PRELID3A: variants seen among roughly 807,000 people sequenced by gnomAD.
PRELID3A encodes the protein PRELI domain containing protein 3A.
PRELID3A carries 27 observed loss-of-function variants against 23.0 expected under a neutral mutation model. The observed-to-expected ratio is 1.17, with a 90% CI of 0.87 to 1.62. PRELID3A has a LOEUF of 1.62. Among genes scored for constraint, PRELID3A ranks in the 40% most tolerant of loss-of-function variants. The pLI is 0.00. For missense variants in PRELID3A, 231 were observed against 231.4 expected (o/e 1.00, Z 0.01); for synonymous variants, 87 against 86.4 (o/e 1.01, Z -0.04).
At chr18:12,422,071 C>T (rs906866479) in intron 3 of PRELID3A, among the ~76,000 whole-genome samples, 2 of 151,926 alleles carry the variant, frequency 1.3e-5, no homozygotes, top group East Asian at 3.9e-4. Flanking sequence ...TCCCAAATAG[C>T]TGGGACCACA....
Position 12,421,838 on chromosome 18 carries a change from C to T in PRELID3A, c.291+209C>T, listed in dbSNP as rs957651870. ...CATAATGATGAATTGTCACAAAGAA[C>T]GCACCTCTTAACTAGCAGGCAGTTC... On this transcript the variant is annotated intron_variant, in intron 3 of 6. Coordinates refer to ENST00000440960, the MANE Select transcript of PRELID3A (RefSeq NM_001142405.2). 3.9e-5 allele frequency among the ~76,000 whole-genome samples: 6 copies of T among 152,146 alleles called. No individual in the cohort carries two copies. The South Asian group carries it at 1.2e-3, about 32-fold the overall frequency.
At chr18:12,424,466 T>A (rs1278386989) in intron 3 of PRELID3A, among the ~76,000 whole-genome samples, 1 of 152,216 alleles carries the variant, frequency 6.6e-6, no homozygotes, top group Non-Finnish European at 1.5e-5. Flanking sequence ...CATAAAATAT[T>A]GCACATAAAA....
intron 3 of PRELID3A, 35 bp from the exon 4 acceptor site, chr18:12,427,006 A>AGAAAT: frequency 6.6e-7 from 1 of 1,519,998 alleles, no homozygotes; most frequent in South Asian, 1.1e-5. Flanking sequence ...GAAATGCAAG[A>AGAAAT]GAAATACAAT....
rs959913431 is a variant in PRELID3A, at chr18:12,408,010, G to A, written c.32+3G>A. 1.0e-5 allele frequency: 13 copies of A among 1,277,942 alleles called. No individual in the cohort carries two copies. The highest frequency in any genetic ancestry group is 1.3e-5 in the Non-Finnish European group (13 of 1,012,794). 79.2% of individuals were successfully genotyped at this position (1,277,942 alleles called of 1,614,324 possible). A position where few individuals can be genotyped will look rare whatever the true frequency, so the allele number is the denominator to read the frequency against. ...TGGAGCTCGGAGCACGTGTTTGGGTGAGGCCGGGCTGAGGGCCGCGGTGGG... is the reference window on the plus strand; with the variant it reads ...TGGAGCTCGGAGCACGTGTTTGGGTAAGGCCGGGCTGAGGGCCGCGGTGGG... On this transcript the variant is annotated splice_donor_region_variant and intron_variant, in intron 1 of 6. Coordinates refer to ENST00000440960, the MANE Select transcript of PRELID3A (RefSeq NM_001142405.2).
At chr18:12,430,502 TG>T (rs139502221) in intron 6 of PRELID3A, among the ~76,000 whole-genome samples, 28,916 of 149,684 alleles carry the variant, frequency 0.19, 3,261 homozygotes, top group East Asian at 0.38. Context: ...GTGTGTATGC[TG>T]GTGTGTGATG....
rs112392050 is a variant in PRELID3A at position 12,411,453 on chromosome 18, G to A, written c.32+3446G>A. 6.6e-3 allele frequency among the ~76,000 whole-genome samples: 812 copies of A among 123,904 alleles called. 8 individuals carry two copies. The highest frequency in any genetic ancestry group is 0.024 in the African/African-American group (784 of 32,458). The allele number at this position is 123,904 out of a possible 152,430, so 81.3% of individuals were successfully genotyped here. On this transcript the variant is annotated intron_variant, in intron 1 of 6. Transcript: ENST00000440960. ...TGCACTCCAGCCTGGGCGACAGAGC[G>A]AGACTCCGTCTCAAAAAAAAAAAAA... is the stretch of plus-strand genomic sequence containing the variant.
intron 6 of PRELID3A, among the ~76,000 whole-genome samples, chr18:12,430,462 CTGTGTGT>C (rs2030535090): frequency 7.0e-6 from 1 of 143,550 alleles, no homozygotes; most frequent in Admixed American, 7.0e-5. Flanking sequence ...TGTGTGTGTG[CTGTGTGT>C]ATATATGTGG....
intron 3 of PRELID3A, among the ~76,000 whole-genome samples, chr18:12,426,000 G>A (rs2143388311): frequency 6.6e-6 from 1 of 152,192 alleles, no homozygotes; most frequent in South Asian, 2.1e-4. Context: ...ACTTTGGGAG[G>A]GTAAGGCAGA....
intron 1 of PRELID3A, among the ~76,000 whole-genome samples, chr18:12,417,703 C>G (rs1284629913): frequency 1.3e-5 from 2 of 152,188 alleles, no homozygotes; most frequent in Non-Finnish European, 2.9e-5. Flanking sequence ...TCACATGTAT[C>G]TCTAGATTCA....
At chr18:12,420,126 C>G (rs1359775768) in intron 1 of PRELID3A, 199 bp from the exon 2 acceptor site, 9 of 1,422,904 alleles carry the variant, frequency 6.3e-6, no homozygotes, top group Non-Finnish European at 8.2e-6. Context: ...AACCAAGGGG[C>G]TGCCAGGTGC....
At chr18:12,416,647 CTTTTTTTT>C (rs33927481) in intron 1 of PRELID3A, among the ~76,000 whole-genome samples, 28 of 133,184 alleles carry the variant, frequency 2.1e-4, no homozygotes, top group Non-Finnish European at 3.2e-5. Flanking sequence ...TTCTTTCTTT[CTTTTTTTT>C]TTTTTTTTTA....
chr18:12,426,369 A>G lies in PRELID3A; in HGVS notation c.292-672A>G, dbSNP rs2030371103. Among the ~76,000 whole-genome samples the G allele has an allele frequency of 2.0e-5, 3 of 150,688 alleles. No homozygotes were observed. The South Asian group carries it at 6.3e-4, about 32-fold the overall frequency. On this transcript the variant is annotated intron_variant, in intron 3 of 6. Coordinates refer to ENST00000440960, the MANE Select transcript of PRELID3A (RefSeq NM_001142405.2). The stretch of plus-strand genomic sequence containing the variant: ...GGAGATCGAGACCATCCTGGCTAAC[A>G]CGGTGAAACTCCGTCTCTACTAAAA...
intron 3 of PRELID3A, among the ~76,000 whole-genome samples, chr18:12,423,856 C>T (rs1303744919): frequency 6.6e-6 from 1 of 152,198 alleles, no homozygotes; most frequent in Non-Finnish European, 1.5e-5. Context: ...CCTGCGGCTC[C>T]CCTGCCCCAA....
intron 1 of PRELID3A, among the ~76,000 whole-genome samples, chr18:12,409,197 C>G (rs913153963): frequency 8.9e-6 from 1 of 112,760 alleles, no homozygotes; most frequent in African/African-American, 3.5e-5. Context: ...GACATAGGCT[C>G]GCTGGGTCAC....
intron 1 of PRELID3A, among the ~76,000 whole-genome samples, chr18:12,409,383 T>G (rs1909839774): frequency 6.6e-6 from 1 of 152,046 alleles, no homozygotes; most frequent in African/African-American, 2.4e-5. Context: ...GCCAGGCTGG[T>G]CTCGAGCTCC....
chr18:12,426,492 T>C (rs187147943), intron 3 of PRELID3A, among the ~76,000 whole-genome samples: 5,190 of 142,580 alleles, frequency 0.036, 131 homozygotes, highest in East Asian at 0.086. Context: ...AGGCAGAGCT[T>C]TCAGTGAGCC....
intron 3 of PRELID3A, among the ~76,000 whole-genome samples, chr18:12,425,757 T>C (rs1223789080): frequency 3.3e-5 from 5 of 151,732 alleles, no homozygotes; most frequent in South Asian, 2.1e-4. Context: ...CCGGGCAGCA[T>C]TGCAAAATCC....
intron 1 of PRELID3A, among the ~76,000 whole-genome samples, chr18:12,410,143 G>C (rs1056436774): frequency 1.2e-4 from 18 of 152,196 alleles, no homozygotes; most frequent in Non-Finnish European, 2.2e-4. Context: ...ATTTTCTTGA[G>C]GCTCACCATG....
chr18:12,409,174 T>TG, intron 1 of PRELID3A, among the ~76,000 whole-genome samples: 1 of 138,556 alleles, frequency 7.2e-6, no homozygotes, highest in African/African-American at 2.8e-5. Context: ...TTTTTTTTTT[T>TG]TTTTTTTTTT....
Sources: allele counts gnomAD v4.1 joint callset (sites outside exome capture counted in the v4.1 genomes callset), GRCh38; gene constraint gnomAD v4.1.1; transcripts MANE v1.5; gene names NCBI Gene and HGNC (gene_info 2026-07-23, HGNC 2026-07-21).